The following RIMS2 variants were observed in gnomAD, a reference collection of about 807,000 sequenced individuals.
The protein encoded by RIMS2 is regulating synaptic membrane exocytosis protein 2.
Under a neutral mutation model 174.4 loss-of-function variants are expected in RIMS2, and 59 were observed. The ratio of observed to expected loss-of-function variants is 0.34; its 90% CI spans 0.27 to 0.42. RIMS2 has a LOEUF of 0.42. Ranked by LOEUF, RIMS2 falls within the 10% of genes least tolerant of loss-of-function variation. RIMS2 has a pLI of 1.00. For synonymous variants in RIMS2, 606 were observed against 572.5 expected (o/e 1.06, Z -0.84); for missense variants, 1,620 against 1,666.3 (o/e 0.97, Z 0.48).
At chr8:104,032,841 C>A (rs1345865838) in intron 19 of RIMS2, among the ~76,000 whole-genome samples, 2 of 151,868 alleles carry the variant, frequency 1.3e-5, no homozygotes, top group Admixed American at 1.3e-4. Flanking sequence ...TATTTGTTGC[C>A]ATCCTTCTGT....
intron 4 of RIMS2, among the ~76,000 whole-genome samples, chr8:103,888,521 T>A (rs2099221460): frequency 6.6e-6 from 1 of 151,578 alleles, no homozygotes; most frequent in South Asian, 2.1e-4. Flanking sequence ...TTATCTTTGG[T>A]GGTTTGGTTT....
chr8:104,126,171 T>C (rs2098427323), intron 19 of RIMS2, among the ~76,000 whole-genome samples: 1 of 152,190 alleles, frequency 6.6e-6, no homozygotes, highest in South Asian at 2.1e-4. Flanking sequence ...CTAATTTTAT[T>C]TACTTAATGA....
chr8:103,988,539 A>T (rs1031154607), intron 16 of RIMS2, among the ~76,000 whole-genome samples: 1 of 152,162 alleles, frequency 6.6e-6, no homozygotes, highest in African/African-American at 2.4e-5. Context: ...TGCTCACTGC[A>T]GCCTCCACCT....
chr8:103,624,371 G>C (rs77769738), intron 1 of RIMS2, among the ~76,000 whole-genome samples: 1 of 152,038 alleles, frequency 6.6e-6, no homozygotes, highest in Admixed American at 6.6e-5. Flanking sequence ...TCAGACCCTC[G>C]GACTGAGATC....
At chr8:103,584,427 CA>C (rs2093790034) in intron 1 of RIMS2, among the ~76,000 whole-genome samples, 1 of 77,648 alleles carries the variant, frequency 1.3e-5, no homozygotes, top group Non-Finnish European at 2.5e-5. Context: ...AGTAAGTACA[CA>C]GAAAAACACA....
chr8:103,822,584 A>G (rs1016140426), intron 3 of RIMS2, among the ~76,000 whole-genome samples: 11 of 151,842 alleles, frequency 7.2e-5, no homozygotes, highest in Non-Finnish European at 1.5e-4. Flanking sequence ...TTTCATACTG[A>G]AAGTGTTTAG....
At chr8:103,791,806 G>T (rs2154443789) in intron 3 of RIMS2, among the ~76,000 whole-genome samples, 1 of 152,186 alleles carries the variant, frequency 6.6e-6, no homozygotes, top group East Asian at 1.9e-4. Flanking sequence ...AACCAACAAA[G>T]ATCAAAAGAG....
chr8:103,920,941 G>T (rs907150363), intron 9 of RIMS2: 2 of 308,696 alleles, frequency 6.5e-6, no homozygotes, highest in Non-Finnish European at 1.3e-5. Context: ...GGAGCTTGCA[G>T]TGAGCCGAGA....
intron 2 of RIMS2, among the ~76,000 whole-genome samples, chr8:103,757,010 TGA>T (rs375031125): frequency 0.043 from 4,845 of 113,988 alleles, 91 homozygotes; most frequent in African/African-American, 0.084. Context: ...TGTGTGTGTG[TGA>T]GAGAGAGAGA....
At chr8:104,153,827 A>G (rs1350856749) in intron 19 of RIMS2, among the ~76,000 whole-genome samples, 2 of 152,200 alleles carry the variant, frequency 1.3e-5, no homozygotes, top group Non-Finnish European at 2.9e-5. Context: ...TAGAAACCAA[A>G]TGAAGAAAAT....
intron 1 of RIMS2, among the ~76,000 whole-genome samples, chr8:103,604,381 A>G (rs1017079185): frequency 3.3e-5 from 5 of 152,096 alleles, no homozygotes; most frequent in African/African-American, 9.7e-5. Context: ...TACCAGTACC[A>G]TGCTGTTTTG....
At chr8:103,655,125 T>A (rs925849196) in intron 1 of RIMS2, among the ~76,000 whole-genome samples, 21 of 152,108 alleles carry the variant, frequency 1.4e-4, no homozygotes, top group African/African-American at 5.0e-4. Context: ...GACTACTGTA[T>A]ATTCAACTTT....
chr8:103,722,279 A>G (rs1286286658), intron 2 of RIMS2, among the ~76,000 whole-genome samples: 1 of 151,998 alleles, frequency 6.6e-6, no homozygotes, highest in African/African-American at 2.4e-5. Context: ...GGGTGAGGAG[A>G]TGGTTTCGGG....
At chr8:103,578,712 G>T (rs1441585749) in intron 1 of RIMS2, among the ~76,000 whole-genome samples, 1 of 151,850 alleles carries the variant, frequency 6.6e-6, no homozygotes, top group Non-Finnish European at 1.5e-5. Context: ...AGAATACCAT[G>T]GCTGAGCACA....
intron 1 of RIMS2, among the ~76,000 whole-genome samples, chr8:103,599,662 G>T (rs1445673378): frequency 6.6e-6 from 1 of 151,662 alleles, no homozygotes; most frequent in Non-Finnish European, 1.5e-5. Flanking sequence ...TACTACCCAG[G>T]CTGGTCTTGA....
chr8:103,981,124 C>A (rs1376559013), intron 16 of RIMS2, among the ~76,000 whole-genome samples: 1 of 152,158 alleles, frequency 6.6e-6, no homozygotes, highest in Non-Finnish European at 1.5e-5. Flanking sequence ...CGGCCTTGGG[C>A]AAGACCCAAT....
At chr8:103,606,432 A>G (rs564791876) in intron 1 of RIMS2, among the ~76,000 whole-genome samples, 9 of 151,948 alleles carry the variant, frequency 5.9e-5, no homozygotes, top group Admixed American at 3.9e-4. Flanking sequence ...TATGTGGTCA[A>G]TTTTGGAATA....
At chr8:103,786,266 T>C (rs1207851023) in intron 3 of RIMS2, among the ~76,000 whole-genome samples, 5 of 152,150 alleles carry the variant, frequency 3.3e-5, no homozygotes, top group African/African-American at 1.2e-4. Flanking sequence ...GTGTCTCTAT[T>C]TCCTTCAGTT....
chr8:103,980,207 G>T (rs2093780646), intron 16 of RIMS2, among the ~76,000 whole-genome samples: 1 of 152,140 alleles, frequency 6.6e-6, no homozygotes, highest in African/African-American at 2.4e-5. Flanking sequence ...AGAGCAAAGA[G>T]TAAAGAGGGC....
Sources: gnomAD v4.1 joint callset for allele counts (sites outside exome capture counted in the v4.1 genomes callset) on GRCh38, gnomAD v4.1.1 for gene constraint, MANE v1.5 for transcripts, NCBI Gene and HGNC (gene_info 2026-07-23, HGNC 2026-07-21) for gene names.